The following TDRD5 variants were observed in gnomAD, a reference collection of about 807,000 sequenced individuals.
TDRD5 encodes the protein tudor domain containing 5.
Under a neutral mutation model 120.6 loss-of-function variants are expected in TDRD5, and 41 were observed. That is an observed-to-expected ratio of 0.34 (90% CI 0.26 to 0.44). The LOEUF is 0.44. Ranked by LOEUF, TDRD5 falls within the 20% of genes least tolerant of loss-of-function variation. The pLI is 1.00. For missense variants in TDRD5, 1,006 were observed against 1,221.2 expected, an observed-to-expected ratio of 0.82 and a Z score of 2.63; for synonymous variants, 430 against 433.7, an observed-to-expected ratio of 0.99 and a Z score of 0.11.
chr1:179,668,993 C>G (rs1679713127), intron 16 of TDRD5, among the ~76,000 whole-genome samples: 1 of 152,048 alleles, frequency 6.6e-6, no homozygotes, highest in Admixed American at 6.6e-5. Flanking sequence ...ATCCGCCCGC[C>G]TCGGCCTCCC....
chr1:179,685,773 G>T (rs554809361), intron 17 of TDRD5, among the ~76,000 whole-genome samples: 6 of 152,198 alleles, frequency 3.9e-5, no homozygotes, highest in African/African-American at 1.4e-4. Context: ...TTGTAAATTG[G>T]ATTCCTAGGT....
intron 11 of TDRD5, 148 bp from the exon 12 acceptor site, chr1:179,650,719 A>T: frequency 1.4e-6 from 1 of 713,688 alleles, no homozygotes; most frequent in South Asian, 2.2e-5. Context: ...TCCCCAAATC[A>T]TATATATCCT....
intron 4 of TDRD5, among the ~76,000 whole-genome samples, chr1:179,605,999 T>G (rs771723227): frequency 1.3e-5 from 2 of 152,064 alleles, no homozygotes; most frequent in Non-Finnish European, 2.9e-5. Flanking sequence ...TATGTTTGTT[T>G]TTATAGGAAA....
intron 14 of TDRD5, among the ~76,000 whole-genome samples, chr1:179,655,370 C>T (rs184491709): frequency 7.2e-5 from 11 of 152,300 alleles, no homozygotes; most frequent in Middle Eastern, 3.4e-3. Flanking sequence ...ATGCTCTTCA[C>T]GGCTTGGCCA....
intron 11 of TDRD5, among the ~76,000 whole-genome samples, chr1:179,645,437 C>G (rs1451803971): frequency 6.6e-6 from 1 of 152,162 alleles, no homozygotes; most frequent in Non-Finnish European, 1.5e-5. Context: ...TTTAAATACA[C>G]TGTGGTCAGA....
chr1:179,618,482 A>T, intron 4 of TDRD5, 117 bp from the exon 5 acceptor site: 1 of 589,732 alleles, frequency 1.7e-6, no homozygotes, highest in Non-Finnish European at 2.9e-6. Context: ...TATTTTGTCT[A>T]TTTAATTGCA....
At chr1:179,648,057 G>T (rs933685639) in intron 11 of TDRD5, among the ~76,000 whole-genome samples, 2 of 151,908 alleles carry the variant, frequency 1.3e-5, no homozygotes, top group Non-Finnish European at 2.9e-5. Flanking sequence ...CAGGGATCTA[G>T]AACTAGAAAT....
At chr1:179,689,821 T>C (rs71220335) in intron 17 of TDRD5, among the ~76,000 whole-genome samples, 8 of 152,096 alleles carry the variant, frequency 5.3e-5, no homozygotes, top group South Asian at 2.1e-4. Flanking sequence ...TAGCAGTGAG[T>C]GAGGCTCCGT....
chr1:179,685,278 C>G (rs2147818697), intron 17 of TDRD5, among the ~76,000 whole-genome samples: 1 of 152,304 alleles, frequency 6.6e-6, no homozygotes, highest in Admixed American at 6.5e-5. Context: ...CCAGTTTTCC[C>G]AGCACCATTT....
intron 4 of TDRD5, among the ~76,000 whole-genome samples, chr1:179,599,223 T>C (rs868270990): frequency 1.5e-4 from 23 of 152,260 alleles, no homozygotes; most frequent in African/African-American, 4.6e-4. Context: ...CCTTTTTATA[T>C]GTTGCTACCT....
At chr1:179,641,656 G>A (rs1479999488) in intron 11 of TDRD5, among the ~76,000 whole-genome samples, 1 of 152,116 alleles carries the variant, frequency 6.6e-6, no homozygotes, top group Non-Finnish European at 1.5e-5. Flanking sequence ...GGGAGCGAGG[G>A]TTTTTTGGTG....
Position 179,688,296 on chromosome 1 carries a change from A to T in TDRD5, c.2861-2400A>T, listed in dbSNP as rs1406573705. ...CTGTAAAGGATTTTATTTCTCCTTC[A>T]CTTATGAAGCTTAGTTTGGCTGGAT... On this transcript the variant is annotated intron_variant, in intron 17 of 17. Transcript: ENST00000444136. 3.3e-5 allele frequency among the ~76,000 whole-genome samples: 5 copies of T among 152,174 alleles called. No homozygotes were observed. The East Asian group carries it at 9.6e-4, about 29-fold the overall frequency.
intron 4 of TDRD5, among the ~76,000 whole-genome samples, chr1:179,596,231 T>A (rs1181169738): frequency 1.3e-5 from 2 of 152,192 alleles, no homozygotes; most frequent in African/African-American, 4.8e-5. Flanking sequence ...AACCAATAAA[T>A]GCCTGACTAA....
At chr1:179,653,322 G>A (rs1678821432) in intron 13 of TDRD5, among the ~76,000 whole-genome samples, 1 of 152,072 alleles carries the variant, frequency 6.6e-6, no homozygotes, top group Non-Finnish European at 1.5e-5. Context: ...TAAAATTATA[G>A]AGATGATTTT....
chr1:179,675,273 A>ATTT (rs1172444253), intron 17 of TDRD5, among the ~76,000 whole-genome samples: 92 of 66,596 alleles, frequency 1.4e-3, no homozygotes, highest in African/African-American at 2.1e-3. Flanking sequence ...TATTATTATT[A>ATTT]TTTTTTTTTT....
intron 10 of TDRD5, among the ~76,000 whole-genome samples, 156 bp from the exon 11 acceptor site, chr1:179,640,223 A>G (rs1310652165): frequency 1.3e-5 from 2 of 152,084 alleles, no homozygotes; most frequent in Non-Finnish European, 2.9e-5. Flanking sequence ...ATGGATTGTA[A>G]CTCTTGTGTT....
intron 7 of TDRD5, among the ~76,000 whole-genome samples, chr1:179,633,310 T>C (rs563195526): frequency 3.9e-5 from 6 of 152,148 alleles, no homozygotes; most frequent in African/African-American, 1.4e-4. Context: ...TGTGTACTTA[T>C]GACTTCATTT....
intron 17 of TDRD5, among the ~76,000 whole-genome samples, chr1:179,685,201 A>G (rs1382694955): frequency 6.6e-6 from 1 of 152,216 alleles, no homozygotes; most frequent in African/African-American, 2.4e-5. Context: ...TCTTTAATCC[A>G]TCTTGAATTA....
At position 179,643,486 on chromosome 1, in the gene TDRD5, A is replaced by G. The variant is rs1678164106; in HGVS notation, c.1800+3041A>G. Among the ~76,000 whole-genome samples, 3 of 152,258 alleles carry G rather than the reference A, an allele frequency of 2.0e-5. No individual in the cohort carries two copies. The South Asian group carries it at 6.2e-4, about 31-fold the overall frequency. ...GAGAGATTTACTCATCATAAGGAAC[A>G]GAGAAGGAATTTCTGCAGAAAGAAA... is the stretch of plus-strand genomic sequence containing the variant. On this transcript the variant is annotated intron_variant, in intron 11 of 17. Coordinates refer to ENST00000444136, the MANE Select transcript of TDRD5 (RefSeq NM_001199085.3).
Sources: gnomAD v4.1 joint callset for allele counts (sites outside exome capture counted in the v4.1 genomes callset) on GRCh38, gnomAD v4.1.1 for gene constraint, MANE v1.5 for transcripts, NCBI Gene and HGNC (gene_info 2026-07-23, HGNC 2026-07-21) for gene names.